The following MEGF11 variants were observed in gnomAD, a reference collection of about 807,000 sequenced individuals.
The protein encoded by MEGF11 is multiple epidermal growth factor-like domains protein 11.
A neutral mutation model predicts 146.6 loss-of-function variants in MEGF11; 126 were observed. The ratio of observed to expected loss-of-function variants is 0.86; its 90% CI spans 0.74 to 1.00. The LOEUF (loss-of-function observed/expected upper bound fraction) is 1.00. MEGF11 is among the 50% of genes least tolerant of loss of function. MEGF11 has a pLI of 0.00. For synonymous variants in MEGF11, 532 were observed against 583.4 expected (o/e 0.91, Z 1.27); for missense variants, 1,509 against 1,521.2 (o/e 0.99, Z 0.13).
chr15:66,129,958 C>T (rs951168563), intron 1 of MEGF11, among the ~76,000 whole-genome samples: 18 of 152,094 alleles, frequency 1.2e-4, no homozygotes, highest in Admixed American at 7.2e-4. Context: ...AAGAGGGGAG[C>T]GATTCTGGTG....
chr15:65,933,056 C>G (rs1023621382), intron 10 of MEGF11, among the ~76,000 whole-genome samples: 1 of 152,130 alleles, frequency 6.6e-6, no homozygotes, highest in Non-Finnish European at 1.5e-5. Flanking sequence ...CAGAGAGAAC[C>G]GAGGGTGTGG....
At chr15:66,017,299 G>A (rs1201351899) in intron 5 of MEGF11, among the ~76,000 whole-genome samples, 1 of 152,184 alleles carries the variant, frequency 6.6e-6, no homozygotes, top group Non-Finnish European at 1.5e-5. Context: ...TCAGGATACT[G>A]CTAATGATGG....
At chr15:66,018,098 C>T (rs565331594) in intron 5 of MEGF11, among the ~76,000 whole-genome samples, 1 of 152,168 alleles carries the variant, frequency 6.6e-6, no homozygotes, top group African/African-American at 2.4e-5. Context: ...GCAGTGCCCA[C>T]CCCAGCAGGG....
chr15:65,931,625 C>T lies in MEGF11; in HGVS notation c.1288-682G>A, dbSNP rs1034827554. ...GGGTCAGGCCTCCAGACCACAATAC[C>T]AGGGACCTTGACTCCAAAGTCTGTA... On this transcript the variant is annotated intron_variant, in intron 10 of 25. Coordinates refer to ENST00000395614, the MANE Select transcript of MEGF11 (RefSeq NM_001385028.1). Among the ~76,000 whole-genome samples the T allele has an allele frequency of 3.9e-5, 6 of 152,188 alleles. No homozygotes were observed. In the East Asian group the frequency reaches 1.2e-3, roughly 29 times the overall value.
At chr15:65,939,122 G>C (rs1374367075) in intron 10 of MEGF11, among the ~76,000 whole-genome samples, 1 of 152,184 alleles carries the variant, frequency 6.6e-6, no homozygotes, top group Admixed American at 6.5e-5. Flanking sequence ...GTGGGTAGGA[G>C]GCAGTGTAAA....
At chr15:66,054,018 C>G (rs1022147451) in intron 5 of MEGF11, among the ~76,000 whole-genome samples, 3 of 152,098 alleles carry the variant, frequency 2.0e-5, no homozygotes, top group Middle Eastern at 3.4e-3. Context: ...CCACCATGCC[C>G]GGCCTCCCTG....
chr15:66,080,368 C>T (rs955766900), intron 5 of MEGF11, among the ~76,000 whole-genome samples: 3 of 149,964 alleles, frequency 2.0e-5, no homozygotes, highest in Non-Finnish European at 3.0e-5. Flanking sequence ...AAAGGGGGAC[C>T]GCAGCACACA....
intron 20 of MEGF11, 125 bp from the exon 21 acceptor site, chr15:65,912,325 A>C (rs889879199): frequency 6.0e-6 from 3 of 497,020 alleles, no homozygotes; most frequent in African/African-American, 4.0e-5. Flanking sequence ...CAAGTACCCC[A>C]TCCCCCAAGC....
chr15:66,060,851 A>G (rs1391306475), intron 5 of MEGF11, among the ~76,000 whole-genome samples: 1 of 152,252 alleles, frequency 6.6e-6, no homozygotes, highest in Non-Finnish European at 1.5e-5. Context: ...AGATGTGAGG[A>G]TATGACAGTC....
intron 1 of MEGF11, among the ~76,000 whole-genome samples, chr15:66,171,493 T>C (rs2090255100): frequency 6.6e-6 from 1 of 152,054 alleles, no homozygotes. Context: ...TACATGGGGC[T>C]GGGGACATGG....
chr15:65,948,782 A>G (rs1255641864), intron 10 of MEGF11, among the ~76,000 whole-genome samples: 1 of 152,206 alleles, frequency 6.6e-6, no homozygotes, highest in Non-Finnish European at 1.5e-5. Context: ...AACTCCAACA[A>G]GACCACATAG....
intron 4 of MEGF11, among the ~76,000 whole-genome samples, chr15:66,100,167 A>C (rs1224154253): frequency 6.6e-6 from 1 of 151,946 alleles, no homozygotes; most frequent in Non-Finnish European, 1.5e-5. Context: ...ATGTGCATTC[A>C]CTCTACCAGT....
At chr15:66,083,954 C>T (rs2140571676) in intron 5 of MEGF11, among the ~76,000 whole-genome samples, 1 of 152,274 alleles carries the variant, frequency 6.6e-6, no homozygotes, top group South Asian at 2.1e-4. Flanking sequence ...ACACTATCAA[C>T]AGAGTAAAAA....
intron 1 of MEGF11, among the ~76,000 whole-genome samples, chr15:66,175,185 T>G (rs1266553355): frequency 6.6e-6 from 1 of 152,240 alleles, no homozygotes; most frequent in Non-Finnish European, 1.5e-5. Context: ...TGGATGCCTT[T>G]TATTTCTTTC....
intron 7 of MEGF11, chr15:65,970,997 C>T (rs571467343): frequency 1.1e-4 from 44 of 402,512 alleles, no homozygotes; most frequent in Middle Eastern, 7.3e-4. Context: ...CCAAAAAAAC[C>T]GCTAAGTACA....
intron 4 of MEGF11, among the ~76,000 whole-genome samples, chr15:66,098,475 T>C (rs1457149722): frequency 6.6e-6 from 1 of 152,152 alleles, no homozygotes; most frequent in African/African-American, 2.4e-5. Context: ...ATTACTTACA[T>C]GAAAGGGTCA....
intron 24 of MEGF11, chr15:65,902,430 T>C (rs2078517647): frequency 6.6e-6 from 1 of 152,184 alleles, no homozygotes; most frequent in Non-Finnish European, 1.5e-5. Context: ...AATTATGGAC[T>C]CTTCTGTACC....
chr15:65,998,690 T>C (rs1229666970), intron 5 of MEGF11, among the ~76,000 whole-genome samples: 1 of 152,108 alleles, frequency 6.6e-6, no homozygotes, highest in East Asian at 1.9e-4. Context: ...CTGAGAGTTA[T>C]GGCAGGAGGT....
At chr15:65,966,005 T>A (rs1360814336) in intron 8 of MEGF11, among the ~76,000 whole-genome samples, 1 of 152,136 alleles carries the variant, frequency 6.6e-6, no homozygotes, top group Non-Finnish European at 1.5e-5. Context: ...TAAAAACACC[T>A]TGCTTTTTTT....
Sources: allele counts gnomAD v4.1 joint callset (sites outside exome capture counted in the v4.1 genomes callset), GRCh38; gene constraint gnomAD v4.1.1; transcripts MANE v1.5; gene names NCBI Gene and HGNC (gene_info 2026-07-23, HGNC 2026-07-21).